Variants in APOOL observed in about 807,000 individuals in gnomAD.
The protein encoded by APOOL is MICOS complex subunit MIC27.
APOOL carries 12 observed loss-of-function variants against 23.1 expected under a neutral mutation model. The ratio of observed to expected loss-of-function variants is 0.52; its 90% CI spans 0.33 to 0.84. APOOL has a LOEUF of 0.84. Among genes scored for constraint, APOOL ranks in the 40% least tolerant of loss-of-function variants. APOOL has a pLI of 0.02. For synonymous variants in APOOL, 77 were observed against 69.9 expected, an observed-to-expected ratio of 1.10 and a Z score of -0.51; for missense variants, 212 against 199.6, an observed-to-expected ratio of 1.06 and a Z score of -0.37.
intron 8 of APOOL, among the ~76,000 whole-genome samples, chrX:85,079,220 T>G (rs1923984419): frequency 8.9e-6 from 1 of 111,826 alleles, no homozygotes; most frequent in African/African-American, 3.3e-5. Context: ...TGACACTGGC[T>G]GTGGGTTTGT....
intron 8 of APOOL, among the ~76,000 whole-genome samples, chrX:85,078,406 G>A (rs1923946010): frequency 9.0e-6 from 1 of 111,329 alleles, no homozygotes; most frequent in South Asian, 3.8e-4. Context: ...TTGTAGATGT[G>A]TGGTGTTACT....
chrX:85,040,141 T>G (rs1246809941), intron 1 of APOOL, among the ~76,000 whole-genome samples: 1 of 112,130 alleles, frequency 8.9e-6, no homozygotes, highest in Non-Finnish European at 1.9e-5. Context: ...GAATCTTATT[T>G]CTCATTAGCT....
At chrX:85,022,403 T>A (rs1210723654) in intron 1 of APOOL, among the ~76,000 whole-genome samples, 1 of 111,959 alleles carries the variant, frequency 8.9e-6, no homozygotes, top group East Asian at 2.8e-4. Context: ...CAGTGGGATT[T>A]ATCCAAGGGA....
chrX:85,054,590 A>G (rs1922897819), intron 4 of APOOL, among the ~76,000 whole-genome samples, 192 bp downstream of exon 4: 1 of 111,173 alleles, frequency 9.0e-6, no homozygotes, highest in Admixed American at 9.6e-5. Context: ...AGTAATATTC[A>G]TTATTCAGCA....
chrX:85,028,607 T>G (rs976470031), intron 1 of APOOL, among the ~76,000 whole-genome samples: 4 of 110,657 alleles, frequency 3.6e-5, no homozygotes, highest in African/African-American at 1.3e-4. Flanking sequence ...GTCGCACTAT[T>G]GTGCTACCAA....
intron 1 of APOOL, among the ~76,000 whole-genome samples, chrX:85,019,826 G>T (rs1403144253): frequency 8.9e-6 from 1 of 112,175 alleles, no homozygotes; most frequent in Non-Finnish European, 1.9e-5. Flanking sequence ...AGAGGACTGG[G>T]CTGTGGGTCT....
intron 1 of APOOL, among the ~76,000 whole-genome samples, chrX:85,017,608 C>T (rs1316497191): frequency 6.3e-5 from 7 of 111,432 alleles, no homozygotes; most frequent in African/African-American, 9.8e-5. Flanking sequence ...ACCCTTTGAC[C>T]GCTCCCTAAT....
At chrX:85,067,627 AACAC>A (rs758966009) in intron 6 of APOOL, among the ~76,000 whole-genome samples, 2,512 of 90,318 alleles carry the variant, frequency 0.028, 59 homozygotes, top group African/African-American at 0.076. Context: ...CTGAAGGTAA[AACAC>A]ACACACACAC....
chrX:85,079,134 G>T (rs1022876134), intron 8 of APOOL, among the ~76,000 whole-genome samples: 1 of 111,740 alleles, frequency 8.9e-6, no homozygotes, highest in Non-Finnish European at 1.9e-5. Flanking sequence ...CATGTTGAAT[G>T]GGAGTGGTGA....
At chrX:85,005,206 C>T (rs955534569) in intron 1 of APOOL, among the ~76,000 whole-genome samples, 25 of 110,585 alleles carry the variant, frequency 2.3e-4, no homozygotes, top group Non-Finnish European at 4.7e-4. Flanking sequence ...TGCAGTGGCG[C>T]GATCTCAGCT....
At position 85,076,421 on chromosome X, in the gene APOOL, C is replaced by A. The variant is rs780437981; in HGVS notation, c.718+2030C>A. ...ATCCCAGATCCAGCATTTACTAGTTCTGTTACCTGGGGCAAGTTATCAAAC... is the reference window on the plus strand; with the variant it reads ...ATCCCAGATCCAGCATTTACTAGTTATGTTACCTGGGGCAAGTTATCAAAC... On this transcript the variant is annotated intron_variant, in intron 8 of 8. Transcript: ENST00000373173. Among the ~76,000 whole-genome samples, 7 of 108,507 alleles carry A rather than the reference C, an allele frequency of 6.5e-5. No homozygotes were observed. The South Asian group carries it at 2.8e-3, about 44-fold the overall frequency. The allele number at this position is 108,507 out of a possible 115,157, so 94.2% of individuals were successfully genotyped here.
chrX:85,083,483 T>C (rs1238127139), intron 8 of APOOL, among the ~76,000 whole-genome samples: 1 of 111,546 alleles, frequency 9.0e-6, no homozygotes, highest in Non-Finnish European at 1.9e-5. Flanking sequence ...TGTATGGGTT[T>C]AACAGCAGAC....
chrX:85,087,040 T>G (rs1198438110), intron 8 of APOOL, among the ~76,000 whole-genome samples: 1 of 111,250 alleles, frequency 9.0e-6, no homozygotes, highest in Non-Finnish European at 1.9e-5. Context: ...ACTCCTCTAC[T>G]CAAAATTGTC....
At chrX:85,037,520 C>T (rs1922254503) in intron 1 of APOOL, among the ~76,000 whole-genome samples, 1 of 111,432 alleles carries the variant, frequency 9.0e-6, no homozygotes, top group African/African-American at 3.3e-5. Flanking sequence ...GTAAATTGCC[C>T]AGTCTTGGAT....
Position 85,092,488 on chromosome X carries a change from T to C in APOOL, c.*4810T>C. ...AAGGTCTAAAGCCCCTCGACTAGTA[T>C]AGTAGTTGATAGAAGCCTGGTTCCA... On this transcript the variant is annotated 3_prime_UTR_variant, in exon 9 of 9. Transcript: ENST00000373173. 1 of 1,209,510 alleles carries C rather than the reference T, an allele frequency of 8.3e-7. No homozygotes were observed.
chrX:85,052,647 T>C (rs1196581554), intron 3 of APOOL, among the ~76,000 whole-genome samples: 1 of 112,146 alleles, frequency 8.9e-6, no homozygotes, highest in Non-Finnish European at 1.9e-5. Context: ...AAATATCTGA[T>C]AAGTACATGA....
intron 8 of APOOL, among the ~76,000 whole-genome samples, chrX:85,079,526 A>T (rs774234491): frequency 1.8e-5 from 2 of 111,122 alleles, no homozygotes; most frequent in African/African-American, 6.6e-5. Flanking sequence ...ATCGATGTTC[A>T]TCAGGAATAT....
intron 1 of APOOL, among the ~76,000 whole-genome samples, chrX:85,046,114 G>T (rs1922565716): frequency 9.0e-6 from 1 of 111,143 alleles, no homozygotes; most frequent in African/African-American, 3.3e-5. Context: ...TGGACTGAAT[G>T]AATATCAAGA....
chrX:85,043,242 A>G (rs1922458746), intron 1 of APOOL, among the ~76,000 whole-genome samples: 1 of 111,522 alleles, frequency 9.0e-6, no homozygotes, highest in Non-Finnish European at 1.9e-5. Flanking sequence ...CGAGTTACAA[A>G]TAGTTTTAAG....
Sources: gnomAD v4.1 joint callset for allele counts (sites outside exome capture counted in the v4.1 genomes callset) on GRCh38, gnomAD v4.1.1 for gene constraint, MANE v1.5 for transcripts, NCBI Gene and HGNC (gene_info 2026-07-23, HGNC 2026-07-21) for gene names.